Variants in PHACTR1 observed in about 807,000 individuals in gnomAD.
PHACTR1 encodes the protein RPEL repeat containing 1.
A neutral mutation model predicts 69.2 loss-of-function variants in PHACTR1; 16 were observed. The observed-to-expected ratio is 0.23, with a 90% CI of 0.16 to 0.35. The LOEUF (loss-of-function observed/expected upper bound fraction) is 0.35, where lower values mean the gene tolerates loss of function less well. Ranked by LOEUF, PHACTR1 falls within the 10% of genes least tolerant of loss-of-function variation. The pLI, the probability that PHACTR1 is intolerant of heterozygous loss-of-function variation, is 1.00. For missense variants in PHACTR1, 510 were observed against 734.7 expected (o/e 0.69, Z 3.54); for synonymous variants, 312 against 284.5 (o/e 1.10, Z -0.97).
rs571306354 is a variant in PHACTR1, at chr6:12,900,385, C to T, written c.250+150595C>T. Among the ~76,000 whole-genome samples the T allele has an allele frequency of 2.6e-5, 4 of 152,178 alleles. No homozygotes were observed. The East Asian group carries it at 7.7e-4, about 29-fold the overall frequency. On this transcript the variant is annotated intron_variant, in intron 4 of 14. Coordinates refer to ENST00000332995, the MANE Select transcript of PHACTR1 (RefSeq NM_030948.6). ...TGTGCTGAGAGGCTTTCAAGCTTTA[C>T]ATTTTCTGGTCTCTAAAATTGTTTG...
intron 4 of PHACTR1, among the ~76,000 whole-genome samples, chr6:12,983,564 T>A (rs1795770988): frequency 6.6e-6 from 1 of 152,208 alleles, no homozygotes; most frequent in South Asian, 2.1e-4. Flanking sequence ...TTTATTGTTG[T>A]ACTTCAAGTT....
intron 5 of PHACTR1, among the ~76,000 whole-genome samples, chr6:13,055,334 C>T (rs1806604973): frequency 1.3e-5 from 2 of 152,040 alleles, no homozygotes; most frequent in South Asian, 4.2e-4. Flanking sequence ...TTTGTGCATC[C>T]TTAAAAACAA....
intron 4 of PHACTR1, among the ~76,000 whole-genome samples, chr6:13,003,710 A>AGTG (rs1198653867): frequency 1.2e-4 from 18 of 151,720 alleles, no homozygotes; most frequent in Non-Finnish European, 2.4e-4. Context: ...GTACCCACTA[A>AGTG]ATAACTTCTC....
intron 4 of PHACTR1, among the ~76,000 whole-genome samples, chr6:12,840,740 C>T (rs1263215684): frequency 1.3e-5 from 2 of 152,248 alleles, no homozygotes; most frequent in African/African-American, 4.8e-5. Context: ...CATAGGTCTA[C>T]ACCTCCACCC....
At chr6:12,783,226 G>A (rs571462042) in intron 4 of PHACTR1, among the ~76,000 whole-genome samples, 1 of 152,240 alleles carries the variant, frequency 6.6e-6, no homozygotes, top group Non-Finnish European at 1.5e-5. Flanking sequence ...GCCCAGGTAG[G>A]TTGCACGAAA....
chr6:12,932,409 T>C (rs1176862040), intron 4 of PHACTR1, among the ~76,000 whole-genome samples: 3 of 152,176 alleles, frequency 2.0e-5, no homozygotes, highest in East Asian at 3.8e-4. Context: ...TCTCCAAGGA[T>C]AAAAATCATT....
At position 12,845,117 on chromosome 6, in the gene PHACTR1, G is replaced by T. The variant is rs114402378; in HGVS notation, c.250+95327G>T. Among the ~76,000 whole-genome samples, 651 of 152,298 alleles carry T rather than the reference G, an allele frequency of 4.3e-3. 5 individuals are homozygous for T. Among genetic ancestry groups the T allele is most frequent in the African/African-American group, 0.015 (623 of 41,556 alleles). ...TATTTATGCATATCTGCATCTGAGCGTTGGATCGACGTTTTTCAAAATTGT... is the reference window on the plus strand; with the variant it reads ...TATTTATGCATATCTGCATCTGAGCTTTGGATCGACGTTTTTCAAAATTGT... On this transcript the variant is annotated intron_variant, in intron 4 of 14. Coordinates refer to ENST00000332995, the MANE Select transcript of PHACTR1 (RefSeq NM_030948.6).
chr6:13,128,585 A>C (rs1404996851), intron 5 of PHACTR1, among the ~76,000 whole-genome samples: 1 of 151,970 alleles, frequency 6.6e-6, no homozygotes, highest in Non-Finnish European at 1.5e-5. Context: ...TTTTGAATTA[A>C]CCCAATCAGA....
chr6:13,082,396 A>T (rs1213566294), intron 5 of PHACTR1, among the ~76,000 whole-genome samples: 3 of 152,186 alleles, frequency 2.0e-5, no homozygotes, highest in Admixed American at 2.0e-4. Context: ...TAAAATAAAG[A>T]TGTGTTAGCC....
chr6:12,971,409 T>A (rs1794182363), intron 4 of PHACTR1, among the ~76,000 whole-genome samples: 1 of 152,224 alleles, frequency 6.6e-6, no homozygotes, highest in Non-Finnish European at 1.5e-5. Context: ...GGGTGGGAAC[T>A]GTGAAAACTC....
At chr6:13,182,478 A>T in intron 6 of PHACTR1, 41 bp from the exon 7 acceptor site, 1 of 1,602,128 alleles carries the variant, frequency 6.2e-7, no homozygotes, top group Non-Finnish European at 8.6e-7. Flanking sequence ...CTTGAAAGGC[A>T]GACATTGTCT....
chr6:12,906,318 T>G (rs945565259), intron 4 of PHACTR1, among the ~76,000 whole-genome samples: 2 of 152,254 alleles, frequency 1.3e-5, no homozygotes, highest in African/African-American at 4.8e-5. Flanking sequence ...GTGTTTCTAT[T>G]TTCTCATTTC....
intron 4 of PHACTR1, among the ~76,000 whole-genome samples, chr6:12,985,236 A>G (rs2127597632): frequency 6.6e-6 from 1 of 150,810 alleles, no homozygotes; most frequent in South Asian, 2.1e-4. Context: ...CAATAATCCA[A>G]ATTTTCTATG....
chr6:12,804,642 C>T (rs1192410665), intron 4 of PHACTR1, among the ~76,000 whole-genome samples: 2 of 152,082 alleles, frequency 1.3e-5, no homozygotes, highest in East Asian at 3.9e-4. Flanking sequence ...GGCAACATGG[C>T]GAAACCCTGT....
intron 3 of PHACTR1, among the ~76,000 whole-genome samples, chr6:12,727,651 A>G (rs1425914120): frequency 1.3e-5 from 2 of 152,210 alleles, no homozygotes; most frequent in East Asian, 3.9e-4. Context: ...AGCGCCAGCC[A>G]TGACCCAGTT....
At chr6:13,089,400 C>G (rs1211280820) in intron 5 of PHACTR1, among the ~76,000 whole-genome samples, 3 of 152,088 alleles carry the variant, frequency 2.0e-5, no homozygotes, top group African/African-American at 4.8e-5. Flanking sequence ...AAGGGCAGAT[C>G]TGGGGAGAGG....
At chr6:12,850,017 T>C (rs1466336863) in intron 4 of PHACTR1, among the ~76,000 whole-genome samples, 1 of 152,226 alleles carries the variant, frequency 6.6e-6, no homozygotes, top group African/African-American at 2.4e-5. Flanking sequence ...TTTTTCCTGC[T>C]CTGGCTTTGA....
At chr6:13,168,344 CAA>C (rs1760117880) in intron 6 of PHACTR1, among the ~76,000 whole-genome samples, 1 of 152,188 alleles carries the variant, frequency 6.6e-6, no homozygotes, top group Non-Finnish European at 1.5e-5. Context: ...ATTGTGATAA[CAA>C]TTCTCTTAAG....
At position 13,239,316 on chromosome 6, in the gene PHACTR1, C is replaced by T. The variant is rs889460526; in HGVS notation, c.1391+9123C>T. The stretch of plus-strand genomic sequence containing the variant: ...ATTGAGTTCTACAACATTTGTACCA[C>T]AAATGCGTGGACTTCGTGTAGCTAA... On this transcript the variant is annotated intron_variant, in intron 10 of 14. Transcript: ENST00000332995. 3.3e-5 allele frequency among the ~76,000 whole-genome samples: 5 copies of T among 152,358 alleles called. No individual in the cohort carries two copies. The East Asian group carries it at 9.6e-4, about 29-fold the overall frequency.
Sources: allele counts gnomAD v4.1 joint callset (sites outside exome capture counted in the v4.1 genomes callset), GRCh38; gene constraint gnomAD v4.1.1; transcripts MANE v1.5; gene names NCBI Gene and HGNC (gene_info 2026-07-23, HGNC 2026-07-21).